Variants in CEP104 observed in about 807,000 individuals in gnomAD.
The protein encoded by CEP104 is centrosomal protein of 104 kDa.
In CEP104, 84 loss-of-function variants were observed where a neutral mutation model predicts 113.3. That is an observed-to-expected ratio of 0.74 (90% CI 0.62 to 0.89). CEP104 has a LOEUF of 0.89. Ranked by LOEUF, CEP104 falls within the 40% of genes least tolerant of loss-of-function variation. The pLI is 0.00. For missense variants in CEP104, 1,053 were observed against 1,156.6 expected (o/e 0.91, Z 1.30); for synonymous variants, 378 against 421.7 (o/e 0.90, Z 1.27).
intron 6 of CEP104, among the ~76,000 whole-genome samples, chr1:3,841,094 G>A (rs1375661655): frequency 1.3e-5 from 2 of 152,166 alleles, no homozygotes; most frequent in Non-Finnish European, 2.9e-5. Flanking sequence ...AGCAACGAGA[G>A]GATGAGGATG....
chr1:3,815,497 C>A lies in CEP104; in HGVS notation c.2683G>T (p.Ala895Ser), dbSNP rs372708011. 1.9e-6 allele frequency: 3 copies of A among 1,605,926 alleles called. No homozygotes were observed. Among genetic ancestry groups the A allele is most frequent in the South Asian group, 1.1e-5 (1 of 89,928 alleles). ...GCCTTTGACCCCAAGGGGCCTGATG[C>A]GGCCACAGCTGAGCTTTTCCCTGCA... ...LQPGKSSAVA[A>S]SGPLGSKAGS... The change falls in exon 22 of 22, where the codon GCA becomes TCA. Residue 895 changes from alanine to serine, a missense_variant. Physicochemically the swap from Ala to Ser is moderately conservative, Grantham distance 99. Transcript: ENST00000378230.
At chr1:3,820,373 G>A (rs191808403) in intron 20 of CEP104, among the ~76,000 whole-genome samples, 272 of 152,356 alleles carry the variant, frequency 1.8e-3, no homozygotes, top group African/African-American at 6.0e-3. Context: ...ACATTCTGGA[G>A]ATAACCAGGG....
At position 3,823,391 on chromosome 1, in the gene CEP104, C is replaced by T. The variant is rs373042536; in HGVS notation, c.2503+33G>A. 42 of 1,614,072 alleles carry T rather than the reference C, an allele frequency of 2.6e-5. No individual in the cohort carries two copies. Among genetic ancestry groups the T allele is most frequent in the Admixed American group, 8.3e-5 (5 of 60,036 alleles). Reference sequence around the variant, plus strand: ...TCCTCCAAGAGGACCCCTGGTGACCCGAGGGCACGGGAGCCTGGGAAGGGG... The same window carrying T: ...TCCTCCAAGAGGACCCCTGGTGACCTGAGGGCACGGGAGCCTGGGAAGGGG... On this transcript the variant is annotated intron_variant, in intron 19 of 21. Transcript: ENST00000378230. This position sits in a 1 kb window ranked among gnomAD's most constrained non-coding sequence, Gnocchi z 4.1.
At position 3,823,909 on chromosome 1, in the gene CEP104, A is replaced by C. The variant is rs2368535; in HGVS notation, c.2365-347T>G. On this transcript the variant is annotated intron_variant, in intron 18 of 21. Transcript: ENST00000378230. This position sits in a 1 kb window ranked among gnomAD's most constrained non-coding sequence, Gnocchi z 4.1. ...CCCAAGGTTGAAATTGTGGCTCCCC[A>C]CTATTTCTAAGAATGCACACAGAAA... Among the ~76,000 whole-genome samples the C allele has an allele frequency of 3.9e-5, 6 of 152,034 alleles. No individual in the cohort carries two copies. The highest frequency in any genetic ancestry group is 3.3e-4 in the Admixed American group (5 of 15,280).
At chr1:3,836,196 C>T (rs900329256) in intron 10 of CEP104, among the ~76,000 whole-genome samples, 14 of 151,666 alleles carry the variant, frequency 9.2e-5, no homozygotes, top group Non-Finnish European at 1.8e-4. Flanking sequence ...GTCTCAGCTA[C>T]TCAGGAGGCT....
At chr1:3,845,122 TAAAGA>T (rs1029611268) in intron 5 of CEP104, 139 bp from the exon 6 acceptor site, 7 of 875,096 alleles carry the variant, frequency 8.0e-6, no homozygotes, top group Admixed American at 7.4e-5. Context: ...CTAAAACTGT[TAAAGA>T]AAAGTTTCAT....
chr1:3,841,461 CAT>C (rs532518068), intron 6 of CEP104, among the ~76,000 whole-genome samples: 78 of 152,336 alleles, frequency 5.1e-4, no homozygotes, highest in African/African-American at 1.8e-3. Flanking sequence ...TAGTGTAACA[CAT>C]ATGACACTTT....
chr1:3,841,073 T>C (rs1353021097), intron 6 of CEP104, among the ~76,000 whole-genome samples: 2 of 152,176 alleles, frequency 1.3e-5, no homozygotes, highest in Non-Finnish European at 1.5e-5. Flanking sequence ...ACAGTAAAGT[T>C]AGTCTCACCA....
intron 18 of CEP104, among the ~76,000 whole-genome samples, chr1:3,825,377 G>A (rs978402926): frequency 3.9e-5 from 6 of 152,182 alleles, no homozygotes; most frequent in Admixed American, 2.0e-4. Context: ...GGCGCACAGC[G>A]GAAGGTGGAT....
In CEP104 at chr1:3,823,263, TCA is replaced by T; in HGVS notation, c.2504-24_2504-23del. On this transcript the variant is annotated intron_variant, in intron 19 of 21. Coordinates refer to ENST00000378230, the MANE Select transcript of CEP104 (RefSeq NM_014704.4). This position sits in a 1 kb window ranked among gnomAD's most constrained non-coding sequence, Gnocchi z 4.1. Reference sequence around the variant, plus strand: ...GCAGCTGAAATGATTTTAAAAAGACTCAGTCGCTCCCTGAATGACAGGCGACA... The same window carrying T: ...GCAGCTGAAATGATTTTAAAAAGACTGTCGCTCCCTGAATGACAGGCGACA... 1 of 1,613,968 alleles carries T rather than the reference TCA, an allele frequency of 6.2e-7. No individual in the cohort carries two copies. The highest frequency in any genetic ancestry group is 8.5e-7 in the Non-Finnish European group (1 of 1,179,852).
chr1:3,816,584 T>G, intron 20 of CEP104: 1 of 487,882 alleles, frequency 2.0e-6, no homozygotes. Context: ...AAGCAAGAAG[T>G]CCTGTCACCA....
At chr1:3,822,198 G>C (rs116831330) in intron 20 of CEP104, among the ~76,000 whole-genome samples, 1,794 of 151,382 alleles carry the variant, frequency 0.012, 11 homozygotes, top group Non-Finnish European at 0.019. Flanking sequence ...TGTACTCTGT[G>C]ATGCATTTCA....
At chr1:3,815,953 G>A (rs1004043946) in intron 21 of CEP104, among the ~76,000 whole-genome samples, 1 of 152,194 alleles carries the variant, frequency 6.6e-6, no homozygotes, top group Non-Finnish European at 1.5e-5. Context: ...GATTATAGGC[G>A]TGAGCCACTG....
intron 15 of CEP104, among the ~76,000 whole-genome samples, chr1:3,828,668 CCT>C (rs1644140179): frequency 6.6e-6 from 1 of 152,138 alleles, no homozygotes; most frequent in South Asian, 2.1e-4. Flanking sequence ...ACGGAAACTC[CCT>C]GTGTTCTGCC....
chr1:3,828,494 T>C (rs551279197), intron 15 of CEP104, among the ~76,000 whole-genome samples: 2 of 152,334 alleles, frequency 1.3e-5, no homozygotes, highest in African/African-American at 2.4e-5. Context: ...TCCCCATTCG[T>C]ACCCATTTCT....
At position 3,851,427 on chromosome 1, in the gene CEP104, G is replaced by A. The variant is rs116082072; in HGVS notation, c.113+868C>T. Reference sequence around the variant, plus strand: ...TTTAAAATGCCATACATATTTACGCGTTCGCGGGTTAGGAATAAATAGTAA... The same window carrying A: ...TTTAAAATGCCATACATATTTACGCATTCGCGGGTTAGGAATAAATAGTAA... On this transcript the variant is annotated intron_variant, in intron 2 of 21. Coordinates refer to ENST00000378230, the MANE Select transcript of CEP104 (RefSeq NM_014704.4). Among the ~76,000 whole-genome samples the A allele has an allele frequency of 2.4e-3, 359 of 152,154 alleles. 2 individuals are homozygous for A. Among genetic ancestry groups the A allele is most frequent in the African/African-American group, 7.9e-3 (329 of 41,506 alleles).
intron 13 of CEP104, 25 bp downstream of exon 13, chr1:3,831,021 T>C (rs1644195840): frequency 6.2e-7 from 1 of 1,604,862 alleles, no homozygotes; most frequent in Non-Finnish European, 8.5e-7. Context: ...GGCCGCGTGG[T>C]GTGTCACACG....
At chr1:3,824,169 C>G (rs774547020) in intron 18 of CEP104, among the ~76,000 whole-genome samples, 8 of 151,226 alleles carry the variant, frequency 5.3e-5, no homozygotes, top group Non-Finnish European at 3.0e-5. Flanking sequence ...TCACCGCAAC[C>G]TCTGCCTCCC....
At chr1:3,831,822 T>C (rs1319997786) in intron 12 of CEP104, among the ~76,000 whole-genome samples, 3 of 152,248 alleles carry the variant, frequency 2.0e-5, no homozygotes, top group African/African-American at 7.2e-5. Flanking sequence ...CTGTTTCCAA[T>C]AGGTCTGCAG....
Sources: allele counts gnomAD v4.1 joint callset (sites outside exome capture counted in the v4.1 genomes callset), GRCh38; gene constraint gnomAD v4.1.1; non-coding constraint Gnocchi (gnomAD v3.1); transcripts MANE v1.5; gene names NCBI Gene and HGNC (gene_info 2026-07-23, HGNC 2026-07-21).